Variants in LRIG1 observed in about 807,000 individuals in gnomAD.
LRIG1 encodes leucine rich repeats and immunoglobulin like domains 1.
Under a neutral mutation model 99.2 loss-of-function variants are expected in LRIG1, and 48 were observed. That is an observed-to-expected ratio of 0.48 (90% CI 0.38 to 0.62). The LOEUF (loss-of-function observed/expected upper bound fraction) is 0.62, where lower values mean the gene tolerates loss of function less well. LRIG1 is among the 20% of genes least tolerant of loss of function. LRIG1 has a pLI of 0.00. For missense variants in LRIG1, 1,646 were observed against 1,434.4 expected (o/e 1.15, Z -2.38); for synonymous variants, 772 against 596.1 (o/e 1.29, Z -4.30).
At chr3:66,452,687 A>G (rs558338979) in intron 2 of LRIG1, among the ~76,000 whole-genome samples, 12 of 152,208 alleles carry the variant, frequency 7.9e-5, no homozygotes, top group Non-Finnish European at 1.6e-4. Context: ...GTATACAGCT[A>G]GCATGTGCTT....
At chr3:66,490,116 GTC>G (rs1426721701) in intron 1 of LRIG1, among the ~76,000 whole-genome samples, 1 of 152,190 alleles carries the variant, frequency 6.6e-6, no homozygotes, top group African/African-American at 2.4e-5. Context: ...CCATAGAAGA[GTC>G]TCTGATTTTT....
chr3:66,407,497 G>GA lies in LRIG1; in HGVS notation c.936-7dup. 1 of 1,613,672 alleles carries GA rather than the reference G, an allele frequency of 6.2e-7. No homozygotes were observed. The highest frequency in any genetic ancestry group is 8.5e-7 in the Non-Finnish European group (1 of 1,179,796). On this transcript the variant is annotated splice_polypyrimidine_tract_variant and splice_region_variant and intron_variant, in intron 7 of 18. Transcript: ENST00000273261. ...GGTTGTTGAAGGACAGGACCCTGAG[G>GA]AAAGGGAGGGCAGCAATGTCACCAT...
At chr3:66,489,604 CAATTT>C (rs1701056165) in intron 1 of LRIG1, among the ~76,000 whole-genome samples, 1 of 151,996 alleles carries the variant, frequency 6.6e-6, no homozygotes, top group Non-Finnish European at 1.5e-5. Flanking sequence ...AGATACAGAT[CAATTT>C]AATTCTTACC....
intron 9 of LRIG1, among the ~76,000 whole-genome samples, chr3:66,401,398 C>T (rs561528012): frequency 8.5e-5 from 13 of 152,316 alleles, no homozygotes; most frequent in Admixed American, 5.2e-4. Context: ...CCAGTAAAAA[C>T]GCATTGAACT....
At chr3:66,488,463 C>CT (rs1172049366) in intron 1 of LRIG1, among the ~76,000 whole-genome samples, 2 of 126,194 alleles carry the variant, frequency 1.6e-5, no homozygotes, top group African/African-American at 5.3e-5. Flanking sequence ...CCTGTCTCTA[C>CT]TAAAAAAAAA....
At chr3:66,407,795 T>G (rs1194936525) in intron 7 of LRIG1, among the ~76,000 whole-genome samples, 5 of 152,150 alleles carry the variant, frequency 3.3e-5, no homozygotes, top group Admixed American at 1.3e-4. Context: ...ACACAACAAC[T>G]CTCAAGCTCC....
At chr3:66,388,576 G>A (rs1255791365) in intron 12 of LRIG1, among the ~76,000 whole-genome samples, 1 of 152,096 alleles carries the variant, frequency 6.6e-6, no homozygotes, top group Non-Finnish European at 1.5e-5. Flanking sequence ...GCTGTCAGGT[G>A]CCAAAGACAA....
Position 66,378,944 on chromosome 3 carries a change from T to C in LRIG1, c.*1319A>G, listed in dbSNP as rs188227632. The C allele has an allele frequency of 9.2e-5, 14 of 152,786 alleles. No homozygotes were observed. Among genetic ancestry groups the C allele is most frequent in the African/African-American group, 1.4e-4 (6 of 41,588 alleles). The allele number at this position is 152,786 out of a possible 1,614,324, so 9.5% of individuals were successfully genotyped here. A position where few individuals can be genotyped will look rare whatever the true frequency, so the allele number is the denominator to read the frequency against. On this transcript the variant is annotated 3_prime_UTR_variant, in exon 19 of 19. Transcript: ENST00000273261. The stretch of plus-strand genomic sequence containing the variant: ...TAAAAGTAATACTCCCTCTTTCACA[T>C]TGCCTCTCAGAAGCAGCAAATTCAC...
At chr3:66,383,462 C>A in intron 14 of LRIG1, 61 bp from the exon 15 acceptor site, 2 of 1,416,300 alleles carry the variant, frequency 1.4e-6, no homozygotes, top group East Asian at 2.3e-5. Context: ...TGGCTCTGCC[C>A]GGTCTTCTGG....
intron 3 of LRIG1, among the ~76,000 whole-genome samples, chr3:66,448,254 T>C (rs1703790200): frequency 6.6e-6 from 1 of 152,194 alleles, no homozygotes; most frequent in Admixed American, 6.5e-5. Flanking sequence ...GCAATGCCTC[T>C]TCCCATGAGG....
At position 66,386,204 on chromosome 3, in the gene LRIG1, G is replaced by A. The variant is rs1012592431; in HGVS notation, c.1566C>T (p.Ser522=). 5.0e-6 allele frequency: 8 copies of A among 1,614,134 alleles called. No individual in the cohort carries two copies. The highest frequency in any genetic ancestry group is 6.8e-6 in the Non-Finnish European group (8 of 1,180,016). The change falls in exon 13 of 19, where the codon AGC becomes AGT. Residue 522 remains serine, a synonymous_variant. Transcript: ENST00000273261. ...IRFTCSAASS[S]SSPMTFAWKK... Reference sequence around the variant, plus strand: ...TCCAGGCAAAGGTCATGGGGGAGCTGCTGCTGCTGGCTGCTGAGCATGTAA... The same window carrying A: ...TCCAGGCAAAGGTCATGGGGGAGCTACTGCTGCTGGCTGCTGAGCATGTAA...
chr3:66,451,989 C>A (rs549344597), intron 2 of LRIG1, among the ~76,000 whole-genome samples: 1 of 152,158 alleles, frequency 6.6e-6, no homozygotes, highest in Non-Finnish European at 1.5e-5. Flanking sequence ...GAACACTCCC[C>A]GTGGGCCGAA....
At chr3:66,491,793 A>C (rs1701106838) in intron 1 of LRIG1, among the ~76,000 whole-genome samples, 1 of 152,200 alleles carries the variant, frequency 6.6e-6, no homozygotes, top group Non-Finnish European at 1.5e-5. Context: ...ATCAAATAAG[A>C]CAGCTGATGA....
chr3:66,465,357 A>ATTTTTTTTTTTTTTTTTTTTTTTTTTTTT (rs59148647), intron 1 of LRIG1, among the ~76,000 whole-genome samples: 4 of 67,728 alleles, frequency 5.9e-5, no homozygotes, highest in Non-Finnish European at 6.0e-5. Flanking sequence ...TCTGAGCATA[A>ATTTTTTTTTTTTTTTTTTTTTTTTTTTTT]TTTTTTTTTT....
intron 1 of LRIG1, among the ~76,000 whole-genome samples, chr3:66,475,272 C>T (rs1700695061): frequency 1.3e-5 from 2 of 152,212 alleles, no homozygotes; most frequent in South Asian, 2.1e-4. Context: ...CTCCAATAAA[C>T]ATGCTATCAT....
Position 66,407,389 on chromosome 3 carries a change from A to G in LRIG1, c.1038T>C (p.Ile346=). ...LRLSHNSISH[I]AEGAFKGLRS... ...TGAGTCCCTTGAAGGCACCCTCCGCAATGTGGCTGATGGAATTGTGGCTGA... is the reference window on the plus strand; with the variant it reads ...TGAGTCCCTTGAAGGCACCCTCCGCGATGTGGCTGATGGAATTGTGGCTGA... The change falls in exon 8 of 19, where the codon ATT becomes ATC. Residue 346 remains isoleucine (I), a synonymous_variant. Coordinates refer to ENST00000273261, the MANE Select transcript of LRIG1 (RefSeq NM_015541.3). 7 of 1,614,116 alleles carry G rather than the reference A, an allele frequency of 4.3e-6. No homozygotes were observed. The highest frequency in any genetic ancestry group is 5.9e-6 in the Non-Finnish European group (7 of 1,180,028).
chr3:66,381,990 C>G (rs774348549), intron 16 of LRIG1, among the ~76,000 whole-genome samples: 1 of 152,158 alleles, frequency 6.6e-6, no homozygotes, highest in Non-Finnish European at 1.5e-5. Context: ...GTTCATGCAC[C>G]GTAATGCCCT....
At chr3:66,441,942 T>C (rs994148136) in intron 3 of LRIG1, among the ~76,000 whole-genome samples, 7 of 152,186 alleles carry the variant, frequency 4.6e-5, no homozygotes, top group Non-Finnish European at 8.8e-5. Flanking sequence ...CTGTGTCTCA[T>C]AGGACTGCAG....
intron 3 of LRIG1, among the ~76,000 whole-genome samples, chr3:66,445,237 A>G (rs1470432249): frequency 6.6e-6 from 1 of 151,980 alleles, no homozygotes; most frequent in African/African-American, 2.4e-5. Context: ...TTACTTTTAC[A>G]CTGACGGTTT....
Sources: gnomAD v4.1 joint callset for allele counts (sites outside exome capture counted in the v4.1 genomes callset) on GRCh38, gnomAD v4.1.1 for gene constraint, MANE v1.5 for transcripts, NCBI Gene and HGNC (gene_info 2026-07-23, HGNC 2026-07-21) for gene names.